The following CUBN variants were observed in gnomAD, a reference collection of about 807,000 sequenced individuals.
The protein encoded by CUBN is cubilin.
Under a neutral mutation model 405.3 loss-of-function variants are expected in CUBN, and 282 were observed. The observed-to-expected ratio is 0.70, with a 90% CI of 0.63 to 0.77. The LOEUF (loss-of-function observed/expected upper bound fraction) is 0.77, where lower values mean the gene tolerates loss of function less well. Among genes scored for constraint, CUBN ranks in the 30% least tolerant of loss-of-function variants. The pLI is 0.00. For missense variants in CUBN, 4,514 were observed against 4,475.2 expected, an observed-to-expected ratio of 1.01 and a Z score of -0.25; for synonymous variants, 1,684 against 1,617.0, an observed-to-expected ratio of 1.04 and a Z score of -0.99.
Position 17,045,148 on chromosome 10 carries a change from T to A in CUBN, c.3531A>T (p.Ile1177=), listed in dbSNP as rs573819519. 150 of 1,613,856 alleles carry A rather than the reference T, an allele frequency of 9.3e-5. No individual in the cohort carries two copies. In the South Asian group the frequency reaches 1.5e-3, roughly 17 times the overall value. Residue 1177 remains isoleucine (I), a synonymous_variant, in exon 25 of 67, where the codon ATA becomes ATT. Transcript: ENST00000377833. The part of the protein sequence containing the change: ...GNLTTSSGTF[I]SPNYPMPYYH... ...AATAGGGCATCGGGTAGTTGGGAGATATGAACGTGCCGCTTGAAGTGGTGA... is the reference window on the plus strand; with the variant it reads ...AATAGGGCATCGGGTAGTTGGGAGAAATGAACGTGCCGCTTGAAGTGGTGA...
chr10:16,946,490 CTT>C (rs775415655), intron 36 of CUBN, among the ~76,000 whole-genome samples: 5,854 of 120,884 alleles, frequency 0.048, 444 homozygotes, highest in African/African-American at 0.17. Flanking sequence ...AAAACCATTC[CTT>C]TTTTTTTTTT....
chr10:16,948,688 A>C, intron 34 of CUBN, 82 bp from the exon 35 acceptor site: 2 of 1,566,406 alleles, frequency 1.3e-6, no homozygotes, highest in Non-Finnish European at 1.7e-6. Context: ...TCTTTACTCG[A>C]ATTACAAGAG....
chr10:16,990,914 C>T (rs1833565410), intron 28 of CUBN, among the ~76,000 whole-genome samples: 4 of 152,158 alleles, frequency 2.6e-5, no homozygotes, highest in Non-Finnish European at 4.4e-5. Flanking sequence ...GTCCCTGGGC[C>T]TTCAGTGTCC....
intron 32 of CUBN, among the ~76,000 whole-genome samples, chr10:16,953,643 G>A (rs898312595): frequency 6.6e-6 from 1 of 151,970 alleles, no homozygotes; most frequent in African/African-American, 2.4e-5. Flanking sequence ...ATCACTTGAG[G>A]CCAGGAGTTT....
At chr10:17,081,875 C>A (rs1835977941) in intron 17 of CUBN, among the ~76,000 whole-genome samples, 2 of 152,190 alleles carry the variant, frequency 1.3e-5, no homozygotes, top group Admixed American at 1.3e-4. Context: ...TGGTTGTATT[C>A]CTTTAGGTTG....
intron 60 of CUBN, among the ~76,000 whole-genome samples, chr10:16,842,990 A>G (rs1455474691): frequency 6.6e-6 from 1 of 152,228 alleles, no homozygotes; most frequent in Admixed American, 6.5e-5. Context: ...AGCCAATGCT[A>G]TTGAATGTTG....
intron 28 of CUBN, among the ~76,000 whole-genome samples, chr10:17,008,212 T>A (rs1300667396): frequency 1.3e-5 from 2 of 151,470 alleles, no homozygotes; most frequent in Admixed American, 1.3e-4. Flanking sequence ...TTTAGCCCCA[T>A]GGCTGTAGAG....
chr10:17,074,050 C>G (rs1835798264), intron 17 of CUBN, among the ~76,000 whole-genome samples: 2 of 152,150 alleles, frequency 1.3e-5, no homozygotes, highest in South Asian at 4.1e-4. Flanking sequence ...CGCCGCTGTT[C>G]AGTACAATTA....
At chr10:17,026,173 C>T (rs976709171) in intron 27 of CUBN, among the ~76,000 whole-genome samples, 2 of 152,200 alleles carry the variant, frequency 1.3e-5, no homozygotes, top group Admixed American at 6.5e-5. Flanking sequence ...ACAACCACCA[C>T]AGCAGGATCT....
At chr10:16,956,508 T>C (rs1843068893) in intron 31 of CUBN, among the ~76,000 whole-genome samples, 4 of 151,980 alleles carry the variant, frequency 2.6e-5, no homozygotes, top group Admixed American at 2.6e-4. Flanking sequence ...ATTTAAACCA[T>C]CACTACAAAA....
intron 28 of CUBN, among the ~76,000 whole-genome samples, chr10:17,003,780 A>G (rs953240829): frequency 3.3e-5 from 5 of 152,148 alleles, no homozygotes; most frequent in African/African-American, 1.2e-4. Context: ...TTGGATCATC[A>G]GTTGTCTTGT....
At chr10:16,918,986 C>T (rs868791534) in intron 44 of CUBN, among the ~76,000 whole-genome samples, 186 bp from the exon 45 acceptor site, 1 of 152,136 alleles carries the variant, frequency 6.6e-6, no homozygotes. Flanking sequence ...ATAATACATT[C>T]TTTTATTAGT....
chr10:16,856,476 T>C (rs540765951), intron 59 of CUBN, among the ~76,000 whole-genome samples: 28 of 152,312 alleles, frequency 1.8e-4, no homozygotes. Context: ...TAATTAAAAA[T>C]CGGTAACCGA....
rs778249964 is a variant in CUBN at position 16,937,615 on chromosome 10, C to T, written c.5903G>A (p.Gly1968Asp). Reference sequence around the variant, plus strand: ...ACCTGGAGCAATGGTAGGTAAAACACCATCAGGTGCATCCACTGCAAACCA... The same window carrying T: ...ACCTGGAGCAATGGTAGGTAAAACATCATCAGGTGCATCCACTGCAAACCA... ...LEWFAVDAPD[G>D]VLPTIAPGAC... The change falls in exon 39 of 67, where the codon GGT becomes GAT. Residue 1968 changes from glycine to aspartate, a missense_variant. Gly to Asp is a moderately conservative substitution (Grantham distance 94, BLOSUM62 -1). Transcript: ENST00000377833. 9.9e-6 allele frequency: 16 copies of T among 1,613,812 alleles called. No homozygotes were observed. The highest frequency in any genetic ancestry group is 1.1e-5 in the Non-Finnish European group (13 of 1,179,938).
rs758817085 is a variant in CUBN, at chr10:17,123,577, A to G, written c.489+11T>C. On this transcript the variant is annotated intron_variant, in intron 5 of 66. Transcript: ENST00000377833. ...CTGCCATCATTCTTAACCAAAGAGT[A>G]GATGACTCACCTTCCACTGTGGGGG... is the stretch of plus-strand genomic sequence containing the variant. The G allele has an allele frequency of 6.3e-7, 1 of 1,589,472 alleles. No homozygotes were observed. The highest frequency in any genetic ancestry group is 1.7e-5 in the Admixed American group (1 of 59,862).
chr10:16,864,416 T>C (rs1282670797), intron 59 of CUBN, among the ~76,000 whole-genome samples: 1 of 151,850 alleles, frequency 6.6e-6, no homozygotes, highest in African/African-American at 2.4e-5. Context: ...AATTTGGGAC[T>C]TCAATATTAC....
At chr10:17,123,843 T>A (rs1352326661) in intron 4 of CUBN, among the ~76,000 whole-genome samples, 154 bp from the exon 5 acceptor site, 1 of 152,118 alleles carries the variant, frequency 6.6e-6, no homozygotes, top group East Asian at 1.9e-4. Flanking sequence ...TCAAATCACC[T>A]CTCTTGTGAA....
Position 16,835,146 on chromosome 10 carries a change from T to C in CUBN, c.10230A>G (p.Gly3410=). 6.2e-7 allele frequency: 1 copy of C among 1,614,152 alleles called. No homozygotes were observed. Residue 3410 remains glycine, a synonymous_variant, in exon 64 of 67, where the codon GGA becomes GGG. Transcript: ENST00000377833. Reference sequence around the variant, plus strand: ...TGTCATTGTCGTAGTTATCTGGCCATCCAGGGCTTCTCAGGTTGCCAAATG... The same window carrying C: ...TGTCATTGTCGTAGTTATCTGGCCACCCAGGGCTTCTCAGGTTGCCAAATG... ...HKAFGNLRSP[G]WPDNYDNDKD...
chr10:16,973,831 T>C (rs1833009563), intron 31 of CUBN, among the ~76,000 whole-genome samples: 1 of 152,218 alleles, frequency 6.6e-6, no homozygotes, highest in Non-Finnish European at 1.5e-5. Context: ...TTGTTCATTC[T>C]TGTGGCTGTG....
Sources: gnomAD v4.1 joint callset for allele counts (sites outside exome capture counted in the v4.1 genomes callset) on GRCh38, gnomAD v4.1.1 for gene constraint, MANE v1.5 for transcripts, NCBI Gene and HGNC (gene_info 2026-07-23, HGNC 2026-07-21) for gene names.